EYA1: variants seen among roughly 807,000 people sequenced by gnomAD.
EYA1 encodes the protein protein phosphatase EYA1.
A neutral mutation model predicts 82.0 loss-of-function variants in EYA1; 16 were observed. That is an observed-to-expected ratio of 0.20 (90% CI 0.13 to 0.30). The LOEUF is 0.30. EYA1 is among the 10% of genes least tolerant of loss of function. The probability of loss-of-function intolerance (pLI) is 1.00; values close to 1 mark genes in which losing one functional copy is unlikely to be tolerated. For missense variants in EYA1, 633 were observed against 730.7 expected, an observed-to-expected ratio of 0.87 and a Z score of 1.54; for synonymous variants, 261 against 264.4, an observed-to-expected ratio of 0.99 and a Z score of 0.12.
intron 9 of EYA1, among the ~76,000 whole-genome samples, chr8:71,277,407 C>T (rs745581654): frequency 8.5e-5 from 13 of 152,070 alleles, no homozygotes; most frequent in Non-Finnish European, 1.6e-4. Context: ...CTGCCTCAGC[C>T]TCCCAAAGCA....
chr8:71,267,590 C>T (rs1031848679), intron 11 of EYA1, among the ~76,000 whole-genome samples: 12 of 152,054 alleles, frequency 7.9e-5, no homozygotes, highest in African/African-American at 2.7e-4. Context: ...GCTCTGTTGC[C>T]CAGGCTGGAG....
chr8:71,416,990 C>T (rs1830887381), intron 2 of EYA1, among the ~76,000 whole-genome samples: 3 of 152,266 alleles, frequency 2.0e-5, no homozygotes, highest in Middle Eastern at 3.4e-3. Context: ...ACCATCTAAT[C>T]AGCTGCCACC....
chr8:71,255,643 A>G (rs567933119), intron 11 of EYA1, among the ~76,000 whole-genome samples: 1 of 152,186 alleles, frequency 6.6e-6, no homozygotes, highest in Admixed American at 6.5e-5. Flanking sequence ...ATAAAATGGT[A>G]TAGGAAAAGC....
chr8:71,543,840 AT>A (rs1416247815), intron 1 of EYA1, among the ~76,000 whole-genome samples: 1 of 152,276 alleles, frequency 6.6e-6, no homozygotes, highest in African/African-American at 2.4e-5. Flanking sequence ...CACAGCATTA[AT>A]TTTTTTAGTA....
In EYA1 at chr8:71,286,519, A is replaced by G. The variant is rs564606761; in HGVS notation, c.826+12528T>C. Among the ~76,000 whole-genome samples the G allele has an allele frequency of 3.1e-4, 47 of 152,168 alleles. 1 individual carries two copies. Among genetic ancestry groups the G allele is most frequent in the Admixed American group, 1.0e-3 (16 of 15,270 alleles). On this transcript the variant is annotated intron_variant, in intron 9 of 17. Transcript: ENST00000340726. ...CTCCTTTGAGTTTTAAGTGGCAGTG[A>G]GGTAAGAGGGTATGCGAAGGTGTTA...
intron 2 of EYA1, among the ~76,000 whole-genome samples, chr8:71,523,514 A>C (rs1813601161): frequency 6.6e-6 from 1 of 152,168 alleles, no homozygotes; most frequent in Non-Finnish European, 1.5e-5. Context: ...GTGAAGGTGA[A>C]AGCCACTAAC....
At chr8:71,470,927 A>G (rs943604870) in intron 2 of EYA1, 23 of 452,480 alleles carry the variant, frequency 5.1e-5, no homozygotes, top group Middle Eastern at 3.3e-4. Flanking sequence ...AGCAGTGCCA[A>G]TGGGCTTTAA....
rs1325854192 is a variant in EYA1 at position 71,198,789 on chromosome 8, A to T, written c.*551T>A. ...TTGTCTCTTCAATTATTTGATGTTTAAAAAAGTCTGGTGGGTGAATTATAC... is the reference window on the plus strand; with the variant it reads ...TTGTCTCTTCAATTATTTGATGTTTTAAAAAGTCTGGTGGGTGAATTATAC... On this transcript the variant is annotated 3_prime_UTR_variant, in exon 18 of 18. Transcript: ENST00000340726. 1 of 142,272 alleles carries T rather than the reference A, an allele frequency of 7.0e-6. No homozygotes were observed. The highest frequency in any genetic ancestry group is 2.9e-5 in the African/African-American group (1 of 34,592). The allele number at this position is 142,272 out of a possible 1,614,324, so 8.8% of individuals were successfully genotyped here.
intron 2 of EYA1, among the ~76,000 whole-genome samples, chr8:71,494,079 A>G (rs1305441584): frequency 6.7e-6 from 1 of 149,886 alleles, no homozygotes; most frequent in Non-Finnish European, 1.5e-5. Flanking sequence ...ATTAGATTAG[A>G]TTAATTATAA....
intron 2 of EYA1, among the ~76,000 whole-genome samples, chr8:71,417,606 AAC>A (rs2129146214): frequency 6.6e-6 from 1 of 152,302 alleles, no homozygotes; most frequent in East Asian, 1.9e-4. Flanking sequence ...AACACAGAAA[AAC>A]ACAGAAATTT....
intron 2 of EYA1, among the ~76,000 whole-genome samples, chr8:71,451,100 T>C (rs1460217736): frequency 2.0e-5 from 3 of 152,236 alleles, no homozygotes; most frequent in African/African-American, 7.2e-5. Flanking sequence ...AATGTAATTA[T>C]ACATATTTTT....
chr8:71,289,158 A>G (rs1818733976), intron 9 of EYA1, among the ~76,000 whole-genome samples: 1 of 152,196 alleles, frequency 6.6e-6, no homozygotes, highest in Non-Finnish European at 1.5e-5. Flanking sequence ...AATGGTAGAG[A>G]TGTGGCAAGT....
intron 17 of EYA1, among the ~76,000 whole-genome samples, chr8:71,202,055 T>C (rs575957658): frequency 7.9e-5 from 12 of 152,298 alleles, no homozygotes; most frequent in African/African-American, 2.2e-4. Flanking sequence ...CATACAAAAA[T>C]ACTTGTGCAA....
intron 2 of EYA1, among the ~76,000 whole-genome samples, chr8:71,374,517 C>T (rs1323943871): frequency 6.6e-6 from 1 of 152,122 alleles, no homozygotes; most frequent in Non-Finnish European, 1.5e-5. Flanking sequence ...AAAAGGAAAC[C>T]TTTGCAGGCC....
chr8:71,314,515 T>G (rs1821694359), intron 7 of EYA1, among the ~76,000 whole-genome samples: 1 of 152,196 alleles, frequency 6.6e-6, no homozygotes, highest in Admixed American at 6.5e-5. Flanking sequence ...ATGTTTTGGA[T>G]TTTGAATTTT....
intron 2 of EYA1, among the ~76,000 whole-genome samples, chr8:71,518,283 C>T (rs941115432): frequency 1.3e-5 from 2 of 152,214 alleles, no homozygotes; most frequent in Admixed American, 1.3e-4. Context: ...TCTTGACTCA[C>T]CTTCCCTCCA....
intron 11 of EYA1, 33 bp downstream of exon 11, chr8:71,269,707 A>C: frequency 6.6e-7 from 1 of 1,521,676 alleles, no homozygotes; most frequent in Non-Finnish European, 9.1e-7. Flanking sequence ...TTTACTCCAA[A>C]GAAATTAAAA....
At chr8:71,232,154 A>G (rs1441033612) in intron 12 of EYA1, among the ~76,000 whole-genome samples, 1 of 152,198 alleles carries the variant, frequency 6.6e-6, no homozygotes, top group East Asian at 1.9e-4. Flanking sequence ...AATTTCCCAC[A>G]TGTGTAAACT....
At chr8:71,358,056 A>T (rs1047068460) in intron 1 of EYA1, among the ~76,000 whole-genome samples, 7 of 152,040 alleles carry the variant, frequency 4.6e-5, no homozygotes, top group Non-Finnish European at 8.8e-5. Context: ...TCCTGGCTTA[A>T]TTATGTGAAA....
Sources: allele counts gnomAD v4.1 joint callset (sites outside exome capture counted in the v4.1 genomes callset), GRCh38; gene constraint gnomAD v4.1.1; transcripts MANE v1.5; gene names NCBI Gene and HGNC (gene_info 2026-07-23, HGNC 2026-07-21).